LMNB1: variants seen among roughly 807,000 people sequenced by gnomAD.
The protein encoded by LMNB1 is lamin-B1.
A neutral mutation model predicts 67.1 loss-of-function variants in LMNB1; 23 were observed. The observed-to-expected ratio is 0.34, with a 90% CI of 0.25 to 0.49. The LOEUF is 0.49. Among genes scored for constraint, LMNB1 ranks in the 20% least tolerant of loss-of-function variants. The pLI is 0.99. For synonymous variants in LMNB1, 281 were observed against 282.9 expected (o/e 0.99, Z 0.07); for missense variants, 634 against 746.5 (o/e 0.85, Z 1.76).
At chr5:126,823,610 C>T (rs1478936579) in intron 8 of LMNB1, among the ~76,000 whole-genome samples, 1 of 152,152 alleles carries the variant, frequency 6.6e-6, no homozygotes, top group African/African-American at 2.4e-5. Context: ...GTAGAGGTGA[C>T]TGTCTCTTTC....
chr5:126,811,746 C>G (rs114024653), intron 4 of LMNB1, 27 bp from the exon 5 acceptor site: 6 of 1,588,528 alleles, frequency 3.8e-6, no homozygotes, highest in Non-Finnish European at 4.3e-6. Context: ...CTAGATAAGA[C>G]TGACTATGCT....
chr5:126,819,189 C>T (rs1358949915), intron 6 of LMNB1, 47 bp downstream of exon 6: 2 of 1,312,198 alleles, frequency 1.5e-6, no homozygotes, highest in Non-Finnish European at 2.1e-6. Flanking sequence ...CTTTTTGCCT[C>T]TCACCCTTTT....
chr5:126,798,782 T>TGTGTGTGTGTGTGC (rs927792414), intron 1 of LMNB1, among the ~76,000 whole-genome samples: 1 of 151,946 alleles, frequency 6.6e-6, no homozygotes, highest in African/African-American at 2.4e-5. Flanking sequence ...TGTGTGTGTG[T>TGTGTGTGTGTGTGC]GTGCGTGTGC....
intron 3 of LMNB1, among the ~76,000 whole-genome samples, chr5:126,807,876 T>C (rs12514830): frequency 1.2e-4 from 6 of 48,296 alleles, no homozygotes; most frequent in South Asian, 1.4e-3. Context: ...TTTTGTTTTT[T>C]TTAACTCTTT....
intron 3 of LMNB1, among the ~76,000 whole-genome samples, chr5:126,807,360 A>G (rs1320014915): frequency 6.6e-6 from 1 of 152,226 alleles, no homozygotes; most frequent in Non-Finnish European, 1.5e-5. Flanking sequence ...AAAATAATAG[A>G]AATCTGATTA....
At chr5:126,795,955 G>A (rs1294395519) in intron 1 of LMNB1, among the ~76,000 whole-genome samples, 1 of 19,674 alleles carries the variant, frequency 5.1e-5, no homozygotes, top group Non-Finnish European at 1.5e-4. Context: ...TTTTTGAGAC[G>A]GAGTTTCACT....
chr5:126,800,974 TA>T (rs1751265417), intron 1 of LMNB1, among the ~76,000 whole-genome samples: 2 of 86,976 alleles, frequency 2.3e-5, no homozygotes, highest in African/African-American at 4.0e-5. Flanking sequence ...TATATATATA[TA>T]TATATAATTT....
In LMNB1 at chr5:126,821,022, G is replaced by A; in HGVS notation, c.1273G>A (p.Glu425Lys). The change falls in exon 7 of 11, where the codon GAG becomes AAG. Residue 425 changes from glutamate (E) to lysine (K), a missense_variant. Transcript: ENST00000261366. ...GAAGAGGGTTGATGTGGAAGAATCA[G>A]AGGCGAGTAGTAGTGTTAGCATCTC... Reference protein sequence around the residue: ...KRKRVDVEESEASSSVSISHS... With the variant: ...KRKRVDVEESKASSSVSISHS... 6.2e-7 allele frequency: 1 copy of A among 1,614,064 alleles called. No homozygotes were observed. Among genetic ancestry groups the A allele is most frequent in the South Asian group, 1.1e-5 (1 of 91,084 alleles).
chr5:126,792,059 AG>A (rs1469973310), intron 1 of LMNB1, among the ~76,000 whole-genome samples: 1 of 151,756 alleles, frequency 6.6e-6, no homozygotes, highest in Non-Finnish European at 1.5e-5. Flanking sequence ...CTGGGTTTAC[AG>A]GTGTGAGCCA....
chr5:126,827,639 T>C (rs1752027014), intron 9 of LMNB1, among the ~76,000 whole-genome samples: 1 of 152,198 alleles, frequency 6.6e-6, no homozygotes, highest in African/African-American at 2.4e-5. Context: ...AGAGCAAGAC[T>C]GTGTCTCAAA....
intron 1 of LMNB1, among the ~76,000 whole-genome samples, chr5:126,787,546 A>ATATCTTTTTTTTTTTTTTT: frequency 1.5e-5 from 1 of 65,584 alleles, no homozygotes; most frequent in Non-Finnish European, 2.7e-5. Flanking sequence ...ATATATATAT[A>ATATCTTTTTTTTTTTTTTT]TTTTTTTTTT....
chr5:126,830,599 T>C (rs1752109536), intron 9 of LMNB1, among the ~76,000 whole-genome samples: 1 of 152,208 alleles, frequency 6.6e-6, no homozygotes, highest in Non-Finnish European at 1.5e-5. Flanking sequence ...TATGTTAAGG[T>C]AATTCATAAT....
chr5:126,779,713 T>A (rs534920828), intron 1 of LMNB1, among the ~76,000 whole-genome samples: 1 of 150,924 alleles, frequency 6.6e-6, no homozygotes, highest in African/African-American at 2.4e-5. Context: ...GCCTGACCAA[T>A]ATGGTGAAAC....
At chr5:126,830,498 A>G (rs1561755584) in intron 9 of LMNB1, among the ~76,000 whole-genome samples, 1 of 152,028 alleles carries the variant, frequency 6.6e-6, no homozygotes, top group African/African-American at 2.4e-5. Context: ...TAGCTCACCC[A>G]TTTTTTATAC....
intron 1 of LMNB1, among the ~76,000 whole-genome samples, chr5:126,792,201 G>A (rs1561738123): frequency 6.7e-6 from 1 of 149,592 alleles, no homozygotes; most frequent in Non-Finnish European, 1.5e-5. Flanking sequence ...GGAGTACAGC[G>A]GCATGATCCC....
At chr5:126,804,495 G>C (rs1751367256) in intron 1 of LMNB1, among the ~76,000 whole-genome samples, 1 of 151,936 alleles carries the variant, frequency 6.6e-6, no homozygotes, top group Admixed American at 6.6e-5. Context: ...ATAGAACAAG[G>C]GGGACATGCA....
intron 10 of LMNB1, among the ~76,000 whole-genome samples, chr5:126,833,941 C>T (rs761725586): frequency 1.3e-5 from 2 of 152,166 alleles, no homozygotes; most frequent in Admixed American, 1.3e-4. Flanking sequence ...ACTAACAGAC[C>T]ACCCCAAAGC....
intron 9 of LMNB1, among the ~76,000 whole-genome samples, chr5:126,826,886 G>A (rs1752010235): frequency 6.6e-6 from 1 of 152,136 alleles, no homozygotes; most frequent in African/African-American, 2.4e-5. Flanking sequence ...AGCTTTTGTT[G>A]TGAGTTCAGC....
intron 1 of LMNB1, among the ~76,000 whole-genome samples, chr5:126,797,968 C>G (rs1030625303): frequency 2.6e-4 from 40 of 152,272 alleles, no homozygotes; most frequent in African/African-American, 9.4e-4. Flanking sequence ...TGTGTATACT[C>G]CCAGCTTCTT....
Sources: allele counts gnomAD v4.1 joint callset (sites outside exome capture counted in the v4.1 genomes callset), GRCh38; gene constraint gnomAD v4.1.1; transcripts MANE v1.5; gene names NCBI Gene and HGNC (gene_info 2026-07-23, HGNC 2026-07-21).